Variants in MTHFD1L observed in about 807,000 individuals in gnomAD.
The protein encoded by MTHFD1L is monofunctional C1-tetrahydrofolate synthase, mitochondrial.
MTHFD1L carries 81 observed loss-of-function variants against 119.5 expected under a neutral mutation model. The observed-to-expected ratio is 0.68, with a 90% CI of 0.57 to 0.82. The LOEUF (loss-of-function observed/expected upper bound fraction) is 0.82. Ranked by LOEUF, MTHFD1L falls within the 40% of genes least tolerant of loss-of-function variation. The pLI, the probability that MTHFD1L is intolerant of heterozygous loss-of-function variation, is 0.00. For missense variants in MTHFD1L, 1,125 were observed against 1,253.4 expected (o/e 0.90, Z 1.55); for synonymous variants, 430 against 475.2 (o/e 0.90, Z 1.24).
In MTHFD1L at chr6:150,922,193, T is replaced by A. The variant is rs746702194; in HGVS notation, c.985-12T>A. The A allele has an allele frequency of 9.3e-6, 15 of 1,606,642 alleles. No individual in the cohort carries two copies. Among genetic ancestry groups the A allele is most frequent in the African/African-American group, 1.3e-5 (1 of 74,822 alleles). On this transcript the variant is annotated splice_polypyrimidine_tract_variant and intron_variant, in intron 9 of 27. Transcript: ENST00000367321. ...CCATTCTAACATGTTTTCCCCTCTA[T>A]CCCTGCTGAAGAACATGGTCAGTAG...
chr6:150,922,177 C>A, intron 9 of MTHFD1L, 28 bp from the exon 10 acceptor site: 1 of 1,553,884 alleles, frequency 6.4e-7, no homozygotes, highest in Non-Finnish European at 8.9e-7. Context: ...ACCATTCTAA[C>A]ATGTTTTCCC....
chr6:151,068,728 A>G (rs1391633657), intron 26 of MTHFD1L, among the ~76,000 whole-genome samples: 1 of 152,240 alleles, frequency 6.6e-6, no homozygotes, highest in Non-Finnish European at 1.5e-5. Flanking sequence ...ACAACTTAAG[A>G]CAGTTAAACT....
At chr6:150,981,225 T>A (rs544811322) in intron 20 of MTHFD1L, among the ~76,000 whole-genome samples, 8 of 152,228 alleles carry the variant, frequency 5.3e-5, no homozygotes, top group Non-Finnish European at 8.8e-5. Context: ...TGTTCCACGT[T>A]GATTTTCACA....
In MTHFD1L at chr6:151,090,320, G is replaced by A. The variant is rs530814815; in HGVS notation, c.2848-2147G>A. Among the ~76,000 whole-genome samples, 4 of 152,308 alleles carry A rather than the reference G, an allele frequency of 2.6e-5. No homozygotes were observed. The South Asian group carries it at 8.3e-4, about 32-fold the overall frequency. ...GTCTCCCTTTCCCTGTGCTGAAGGGGCTGGGCAGTGAAGTGAGGAAGGGTG... is the reference window on the plus strand; with the variant it reads ...GTCTCCCTTTCCCTGTGCTGAAGGGACTGGGCAGTGAAGTGAGGAAGGGTG... On this transcript the variant is annotated intron_variant, in intron 26 of 27. Coordinates refer to ENST00000367321, the MANE Select transcript of MTHFD1L (RefSeq NM_015440.5).
At position 150,920,038 on chromosome 6, in the gene MTHFD1L, G is replaced by T. The variant is rs915290076; in HGVS notation, c.984+1370G>T. Among the ~76,000 whole-genome samples the T allele has an allele frequency of 2.0e-5, 3 of 152,244 alleles. No individual in the cohort carries two copies. In the South Asian group the frequency reaches 6.2e-4, roughly 32 times the overall value. ...CACTGGCCATCAGCAGGATGCCTTGGTTCCTCATCATGTCCACCTCTCTGT... is the reference window on the plus strand; with the variant it reads ...CACTGGCCATCAGCAGGATGCCTTGTTTCCTCATCATGTCCACCTCTCTGT... On this transcript the variant is annotated intron_variant, in intron 9 of 27. Transcript: ENST00000367321.
At chr6:150,994,515 G>T (rs958953853) in intron 20 of MTHFD1L, among the ~76,000 whole-genome samples, 1 of 152,094 alleles carries the variant, frequency 6.6e-6, no homozygotes, top group East Asian at 1.9e-4. Flanking sequence ...CTGTGTCATC[G>T]TCTCTATTTT....
chr6:151,003,464 G>A (rs568335149), intron 20 of MTHFD1L, among the ~76,000 whole-genome samples: 115 of 152,222 alleles, frequency 7.6e-4, no homozygotes, highest in Non-Finnish European at 1.2e-3. Context: ...CCTGGAGGGC[G>A]GAGGTTGCAG....
rs765099013 is a variant in MTHFD1L, at chr6:151,071,868, G to A, written c.2848-20599G>A. ...TTTTTTTTTTTTTTTTTGAGTTGGA[G>A]TCTCACTCCGATCATCCAGACTGGA... On this transcript the variant is annotated intron_variant, in intron 26 of 27. Coordinates refer to ENST00000367321, the MANE Select transcript of MTHFD1L (RefSeq NM_015440.5). 1.3e-3 allele frequency among the ~76,000 whole-genome samples: 148 copies of A among 116,052 alleles called. 1 individual carries two copies. The highest frequency in any genetic ancestry group is 2.0e-3 in the Non-Finnish European group (123 of 60,654). 76.1% of individuals were successfully genotyped at this position (116,052 alleles called of 152,430 possible). A position where few individuals can be genotyped will look rare whatever the true frequency, so the allele number is the denominator to read the frequency against.
intron 26 of MTHFD1L, among the ~76,000 whole-genome samples, chr6:151,049,107 A>G (rs148900703): frequency 0.032 from 4,877 of 152,238 alleles, 151 homozygotes; most frequent in Admixed American, 0.097. Flanking sequence ...TGTAATGCCA[A>G]CACTTTGGGA....
intron 20 of MTHFD1L, among the ~76,000 whole-genome samples, chr6:150,974,382 T>A (rs1282853030): frequency 1.3e-5 from 2 of 152,224 alleles, no homozygotes; most frequent in African/African-American, 4.8e-5. Context: ...CTTTTTTCTT[T>A]GGATCTTTTT....
chr6:150,926,405 T>A lies in MTHFD1L; in HGVS notation c.1256+110T>A, dbSNP rs1789996656. ...ATCCATCCTATTCTCACATTTGACA[T>A]TTCGTCCATTTCATTTGGCATTTCT... On this transcript the variant is annotated intron_variant, in intron 11 of 27. Coordinates refer to ENST00000367321, the MANE Select transcript of MTHFD1L (RefSeq NM_015440.5). This position sits in a 1 kb window ranked among gnomAD's most constrained non-coding sequence, Gnocchi z 4.3. 1.9e-6 allele frequency: 2 copies of A among 1,029,588 alleles called. No homozygotes were observed. Among genetic ancestry groups the A allele is most frequent in the East Asian group, 2.5e-5 (1 of 39,454 alleles). The allele number at this position is 1,029,588 out of a possible 1,614,324, so 63.8% of individuals were successfully genotyped here. A position where few individuals can be genotyped will look rare whatever the true frequency, so the allele number is the denominator to read the frequency against.
At chr6:150,998,119 A>G (rs1307144669) in intron 20 of MTHFD1L, among the ~76,000 whole-genome samples, 3 of 150,890 alleles carry the variant, frequency 2.0e-5, no homozygotes, top group Non-Finnish European at 4.4e-5. Context: ...CACTTACTAT[A>G]TATGATGTAG....
chr6:151,016,253 C>T (rs759886750), intron 24 of MTHFD1L, among the ~76,000 whole-genome samples: 1 of 152,122 alleles, frequency 6.6e-6, no homozygotes, highest in Non-Finnish European at 1.5e-5. Flanking sequence ...TGACAGCTGA[C>T]GCTTTCAGGA....
chr6:150,883,460 A>G (rs998274938), intron 5 of MTHFD1L, among the ~76,000 whole-genome samples: 1 of 152,244 alleles, frequency 6.6e-6, no homozygotes, highest in African/African-American at 2.4e-5. Context: ...GGTCTGACTT[A>G]TACAATCTTT....
At chr6:150,901,225 T>C (rs146305974) in intron 7 of MTHFD1L, among the ~76,000 whole-genome samples, 14 of 152,072 alleles carry the variant, frequency 9.2e-5, no homozygotes, top group African/African-American at 3.1e-4. Flanking sequence ...TCCCAACACT[T>C]TGGAAGGCCC....
Position 150,926,836 on chromosome 6 carries a change from A to C in MTHFD1L, c.1256+541A>C, listed in dbSNP as rs996417595. On this transcript the variant is annotated intron_variant, in intron 11 of 27. Coordinates refer to ENST00000367321, the MANE Select transcript of MTHFD1L (RefSeq NM_015440.5). This position sits in a 1 kb window ranked among gnomAD's most constrained non-coding sequence, Gnocchi z 4.3. ...TGGTTATTTTATAAAAGACAAATTC[A>C]TAGTTTTTGTGAAAAGGAGTGTTTG... Among the ~76,000 whole-genome samples, 9 of 152,330 alleles carry C rather than the reference A, an allele frequency of 5.9e-5. No individual in the cohort carries two copies. The East Asian group carries it at 1.7e-3, about 29-fold the overall frequency.
rs147018424 is a variant in MTHFD1L, at chr6:150,918,092, A to G, written c.893-485A>G. On this transcript the variant is annotated intron_variant, in intron 8 of 27. Transcript: ENST00000367321. ...TTTTTTTTTTTTTTTTTGAGATGGA[A>G]TCTTGCTATGTCGCCCAGGTTGCAG... Among the ~76,000 whole-genome samples the G allele has an allele frequency of 1.5e-3, 208 of 141,356 alleles. 1 individual carries two copies. The highest frequency in any genetic ancestry group is 5.3e-3 in the African/African-American group (196 of 37,128). The allele number at this position is 141,356 out of a possible 152,430, so 92.7% of individuals were successfully genotyped here.
chr6:150,919,754 A>G (rs1208834342), intron 9 of MTHFD1L, among the ~76,000 whole-genome samples: 2 of 152,166 alleles, frequency 1.3e-5, no homozygotes, highest in African/African-American at 4.8e-5. Flanking sequence ...ATGCTAAACC[A>G]TCATGAGAAA....
intron 9 of MTHFD1L, among the ~76,000 whole-genome samples, chr6:150,921,553 A>G (rs1445860614): frequency 1.3e-5 from 2 of 152,034 alleles, no homozygotes; most frequent in African/African-American, 4.8e-5. Context: ...CACCTGGCCT[A>G]TTTATTCATT....
Sources: gnomAD v4.1 joint callset for allele counts (sites outside exome capture counted in the v4.1 genomes callset) on GRCh38, gnomAD v4.1.1 for gene constraint, Gnocchi (gnomAD v3.1) non-coding constraint, MANE v1.5 for transcripts, NCBI Gene and HGNC (gene_info 2026-07-23, HGNC 2026-07-21) for gene names.